ATP10D: variants seen among roughly 807,000 people sequenced by gnomAD.
The protein encoded by ATP10D is phospholipid-transporting ATPase VD.
In ATP10D, 89 loss-of-function variants were observed where a neutral mutation model predicts 144.8. That is an observed-to-expected ratio of 0.61 (90% confidence interval 0.52 to 0.73). The LOEUF is 0.73. ATP10D is among the 30% of genes least tolerant of loss of function. ATP10D has a pLI of 0.00. For missense variants in ATP10D, 1,603 were observed against 1,714.8 expected (o/e 0.93, Z 1.15); for synonymous variants, 571 against 615.1 (o/e 0.93, Z 1.06).
At position 47,573,135 on chromosome 4, in the gene ATP10D, G is replaced by A; in HGVS notation, c.3366+138G>A. ...GGGAACAGCCAGGACTGGTCTTGCT[G>A]TCTTTCCAGAACTAAGCTGGGAATG... On this transcript the variant is annotated intron_variant, in intron 18 of 22. Coordinates refer to ENST00000273859, the MANE Select transcript of ATP10D (RefSeq NM_020453.4). 3.6e-6 allele frequency: 4 copies of A among 1,100,264 alleles called. No individual in the cohort carries two copies. In the South Asian group the frequency reaches 7.0e-5, roughly 19 times the overall value. 68.2% of individuals were successfully genotyped at this position (1,100,264 alleles called of 1,614,324 possible).
At position 47,546,781 on chromosome 4, in the gene ATP10D, T is replaced by A. The variant is rs755445321; in HGVS notation, c.1554T>A (p.Ala518=). ...GAAATAAGCCCTCAAATCATCTTGC[T>A]GGGAGCTCTTTTACTCTAGGAAGTG... The part of the protein sequence containing the change: ...PLGNKPSNHL[A]GSSFTLGSGE... Residue 518 remains alanine (A), a synonymous_variant, in exon 10 of 23, where the codon GCT becomes GCA. Transcript: ENST00000273859. 1 of 1,613,936 alleles carries A rather than the reference T, an allele frequency of 6.2e-7. No homozygotes were observed. The highest frequency in any genetic ancestry group is 1.7e-5 in the Admixed American group (1 of 60,024).
intron 10 of ATP10D, among the ~76,000 whole-genome samples, chr4:47,551,134 CG>C (rs1422197128): frequency 2.6e-5 from 4 of 152,120 alleles, no homozygotes; most frequent in African/African-American, 9.7e-5. Context: ...TCTGATTGGT[CG>C]GGTGTGAGCA....
chr4:47,535,240 T>G (rs1717776928), intron 5 of ATP10D, among the ~76,000 whole-genome samples: 2 of 150,682 alleles, frequency 1.3e-5, no homozygotes, highest in African/African-American at 4.9e-5. Flanking sequence ...GGTAAAGAAA[T>G]CTGTACACCA....
intron 22 of ATP10D, among the ~76,000 whole-genome samples, chr4:47,588,357 G>A (rs1720881123): frequency 6.6e-6 from 1 of 152,096 alleles, no homozygotes; most frequent in South Asian, 2.1e-4. Context: ...ACTCATAATG[G>A]TAAGTTCATG....
At position 47,528,528 on chromosome 4, in the gene ATP10D, T is replaced by TATAC. The variant is rs1553894676; in HGVS notation, c.776+2887_776+2888insTACA. On this transcript the variant is annotated intron_variant, in intron 5 of 22. Coordinates refer to ENST00000273859, the MANE Select transcript of ATP10D (RefSeq NM_020453.4). ...GTGTGTGTGTGTATATATATATATA[T>TATAC]ACACACCACATTGTCTTTAATCATC... Among the ~76,000 whole-genome samples, 773 of 145,570 alleles carry TATAC rather than the reference T, an allele frequency of 5.3e-3. 10 individuals carry two copies. The highest frequency in any genetic ancestry group is 0.018 in the African/African-American group (690 of 38,678).
chr4:47,572,765 C>T (rs1357922260), intron 17 of ATP10D, 107 bp from the exon 18 acceptor site: 2 of 1,401,254 alleles, frequency 1.4e-6, no homozygotes, highest in African/African-American at 2.9e-5. Context: ...CAAATGCGGT[C>T]AGAAGAAGGT....
chr4:47,488,043 A>G (rs759716977), intron 1 of ATP10D, among the ~76,000 whole-genome samples: 2 of 152,204 alleles, frequency 1.3e-5, no homozygotes, highest in African/African-American at 4.8e-5. Flanking sequence ...CTAAAAATAT[A>G]GCCTAAGGAA....
At chr4:47,525,831 A>G (rs999805142) in intron 5 of ATP10D, among the ~76,000 whole-genome samples, 189 bp downstream of exon 5, 2 of 152,272 alleles carry the variant, frequency 1.3e-5, no homozygotes, top group Non-Finnish European at 2.9e-5. Context: ...ACACATACAC[A>G]TATAATATTC....
chr4:47,513,096 T>A (rs955152416), intron 2 of ATP10D, among the ~76,000 whole-genome samples: 1 of 152,208 alleles, frequency 6.6e-6, no homozygotes, highest in African/African-American at 2.4e-5. Context: ...GTTTAGCCAA[T>A]GTCATGCCAA....
intron 9 of ATP10D, among the ~76,000 whole-genome samples, chr4:47,539,150 A>G (rs917888939): frequency 5.9e-5 from 9 of 152,208 alleles, no homozygotes; most frequent in Non-Finnish European, 8.8e-5. Flanking sequence ...TCTTTGTTAT[A>G]TAAATTTGTC....
At chr4:47,562,130 AT>A (rs1719347121) in intron 14 of ATP10D, among the ~76,000 whole-genome samples, 1 of 152,200 alleles carries the variant, frequency 6.6e-6, no homozygotes, top group South Asian at 2.1e-4. Context: ...ATTTATAGTT[AT>A]TATCCTAATT....
rs1717205302 is a variant in ATP10D at position 47,525,661 on chromosome 4, A to G, written c.776+19A>G. 1.3e-6 allele frequency: 2 copies of G among 1,570,890 alleles called. No homozygotes were observed. Among genetic ancestry groups the G allele is most frequent in the Admixed American group, 1.7e-5 (1 of 59,834 alleles). On this transcript the variant is annotated intron_variant, in intron 5 of 22. Coordinates refer to ENST00000273859, the MANE Select transcript of ATP10D (RefSeq NM_020453.4). The stretch of plus-strand genomic sequence containing the variant: ...GCTTCCTGTGAGTAATACATGATGA[A>G]CATTTGTGGGTGTAAGTGGAATTGT...
chr4:47,528,182 G>T (rs1717353297), intron 5 of ATP10D, among the ~76,000 whole-genome samples: 1 of 152,026 alleles, frequency 6.6e-6, no homozygotes, highest in Non-Finnish European at 1.5e-5. Flanking sequence ...GGTGCCTAGT[G>T]TACCCATCTC....
At chr4:47,493,602 G>T (rs1156958880) in intron 1 of ATP10D, among the ~76,000 whole-genome samples, 1 of 152,126 alleles carries the variant, frequency 6.6e-6, no homozygotes, top group Non-Finnish European at 1.5e-5. Flanking sequence ...ATTTACCATG[G>T]GTTTATGAAT....
At chr4:47,522,977 A>G in intron 3 of ATP10D, 35 bp from the exon 4 acceptor site, 1 of 1,491,564 alleles carries the variant, frequency 6.7e-7, no homozygotes, top group Non-Finnish European at 9.1e-7. Context: ...TTCACTTGAT[A>G]TTCTTTTTTT....
chr4:47,560,482 T>C (rs1324693444), intron 13 of ATP10D, among the ~76,000 whole-genome samples: 1 of 152,120 alleles, frequency 6.6e-6, no homozygotes, highest in Non-Finnish European at 1.5e-5. Flanking sequence ...AGCGAGACTC[T>C]GTCTCAAAAA....
At chr4:47,527,354 GA>G (rs545001211) in intron 5 of ATP10D, among the ~76,000 whole-genome samples, 5 of 151,516 alleles carry the variant, frequency 3.3e-5, no homozygotes, top group Non-Finnish European at 5.9e-5. Context: ...AAAACTTTCA[GA>G]AAAAAAATGG....
chr4:47,542,916 A>G (rs763961168), intron 9 of ATP10D, among the ~76,000 whole-genome samples: 3 of 152,206 alleles, frequency 2.0e-5, no homozygotes, highest in Non-Finnish European at 4.4e-5. Flanking sequence ...TATACTAATT[A>G]TATAGTTGCA....
chr4:47,516,081 T>C (rs1324064090), intron 3 of ATP10D, among the ~76,000 whole-genome samples: 1 of 151,636 alleles, frequency 6.6e-6, no homozygotes, highest in Non-Finnish European at 1.5e-5. Flanking sequence ...AATACAAAAA[T>C]TAGCCGGACG....
Sources: gnomAD v4.1 joint callset for allele counts (sites outside exome capture counted in the v4.1 genomes callset) on GRCh38, gnomAD v4.1.1 for gene constraint, MANE v1.5 for transcripts, NCBI Gene and HGNC (gene_info 2026-07-23, HGNC 2026-07-21) for gene names.